Variants in CPSF3 observed in about 807,000 individuals in gnomAD.
CPSF3 encodes the protein cleavage and polyadenylation specific factor 3.
Under a neutral mutation model 84.1 loss-of-function variants are expected in CPSF3, and 57 were observed. The ratio of observed to expected loss-of-function variants is 0.68; its 90% confidence interval spans 0.55 to 0.85. The LOEUF (loss-of-function observed/expected upper bound fraction) is 0.85. Among genes scored for constraint, CPSF3 ranks in the 40% least tolerant of loss-of-function variants. CPSF3 has a pLI of 0.00. For synonymous variants in CPSF3, 275 were observed against 278.1 expected, an observed-to-expected ratio of 0.99 and a Z score of 0.11; for missense variants, 522 against 838.8, an observed-to-expected ratio of 0.62 and a Z score of 4.66.
chr2:9,432,529 C>T lies in CPSF3; in HGVS notation c.360C>T (p.Asp120=), dbSNP rs762458018. The T allele has an allele frequency of 2.6e-6, 4 of 1,522,676 alleles. No homozygotes were observed. The highest frequency in any genetic ancestry group is 2.6e-5 in the South Asian group (2 of 77,360). The allele number at this position is 1,522,676 out of a possible 1,614,324, so 94.3% of individuals were successfully genotyped here. The part of the protein sequence containing the change: ...YVKVSNISAD[D]MLYTETDLEE... The stretch of plus-strand genomic sequence containing the variant: ...AATTTAGTAACATATCAGCAGACGA[C>T]ATGCTGTATACCGAGACAGATTTGG... The change falls in exon 5 of 18, where the codon GAC becomes GAT. Residue 120 remains aspartate, a synonymous_variant. Transcript: ENST00000238112.
intron 6 of CPSF3, among the ~76,000 whole-genome samples, chr2:9,435,511 T>G (rs546990893): frequency 6.6e-6 from 1 of 151,446 alleles, no homozygotes; most frequent in South Asian, 2.1e-4. Flanking sequence ...AACCACTGCC[T>G]CCCAGGTTCA....
chr2:9,453,947 T>C (rs1681421545), intron 12 of CPSF3, among the ~76,000 whole-genome samples: 1 of 152,152 alleles, frequency 6.6e-6, no homozygotes, highest in African/African-American at 2.4e-5. Context: ...TGTAAATTGC[T>C]TTTTTCCCAT....
At chr2:9,442,126 G>A in intron 9 of CPSF3, 150 bp downstream of exon 9, 4 of 750,874 alleles carry the variant, frequency 5.3e-6, no homozygotes, top group Non-Finnish European at 8.8e-6. Flanking sequence ...CTAGAGATGT[G>A]CGTAGGATGT....
At chr2:9,457,307 T>A (rs891341710) in intron 14 of CPSF3, among the ~76,000 whole-genome samples, 1 of 152,106 alleles carries the variant, frequency 6.6e-6, no homozygotes, top group Non-Finnish European at 1.5e-5. Context: ...AATATAGTCC[T>A]TTCCTATAAG....
At chr2:9,444,159 T>TATATATATATA (rs1553344444) in intron 10 of CPSF3, among the ~76,000 whole-genome samples, 2 of 113,328 alleles carry the variant, frequency 1.8e-5, no homozygotes, top group Non-Finnish European at 3.6e-5. Flanking sequence ...TATATATATA[T>TATATATATATA]TTTTTTTTTT....
chr2:9,431,396 T>G (rs1188093758), intron 4 of CPSF3, among the ~76,000 whole-genome samples: 1 of 152,138 alleles, frequency 6.6e-6, no homozygotes, highest in Non-Finnish European at 1.5e-5. Flanking sequence ...AAAACTTCAT[T>G]AGGCTGGATT....
At chr2:9,425,023 G>A (rs1280690341) in intron 1 of CPSF3, 1 of 152,252 alleles carries the variant, frequency 6.6e-6, no homozygotes, top group Non-Finnish European at 1.5e-5. Context: ...TGAGCACTGT[G>A]AAAGTATGGA....
chr2:9,424,047 G>T (rs887866137), intron 1 of CPSF3: 18 of 1,281,014 alleles, frequency 1.4e-5, no homozygotes, highest in Admixed American at 3.9e-5. Flanking sequence ...TCAGTTTCAG[G>T]GGAGGGTATG....
intron 4 of CPSF3, 144 bp downstream of exon 4, chr2:9,431,024 C>CATTAACACA (rs1680567207): frequency 1.6e-6 from 1 of 643,384 alleles, no homozygotes; most frequent in East Asian, 2.8e-5. Flanking sequence ...TTAACAAGGT[C>CATTAACACA]ATTGAAACCT....
intron 12 of CPSF3, among the ~76,000 whole-genome samples, chr2:9,454,638 G>A (rs533033186): frequency 5.2e-4 from 77 of 147,618 alleles, no homozygotes; most frequent in African/African-American, 1.8e-3. Flanking sequence ...TCCACCTCCC[G>A]GGTTCATGCC....
At chr2:9,438,864 TATA>T (rs1482589172) in intron 7 of CPSF3, among the ~76,000 whole-genome samples, 3 of 152,224 alleles carry the variant, frequency 2.0e-5, no homozygotes, top group Non-Finnish European at 4.4e-5. Context: ...TGTAATGTAG[TATA>T]ATAGAAAGAA....
intron 1 of CPSF3, chr2:9,424,178 G>A: frequency 9.6e-7 from 1 of 1,037,688 alleles, no homozygotes; most frequent in Non-Finnish European, 1.2e-6. Flanking sequence ...GAGGGAGCCG[G>A]TGAAGCTTAT....
chr2:9,469,602 CCTT>C (rs1312519169), intron 16 of CPSF3, among the ~76,000 whole-genome samples: 1 of 152,158 alleles, frequency 6.6e-6, no homozygotes, highest in Non-Finnish European at 1.5e-5. Flanking sequence ...TTCACTCTGG[CCTT>C]CTTCCCTGTC....
intron 16 of CPSF3, among the ~76,000 whole-genome samples, chr2:9,470,627 A>T (rs1387454080): frequency 6.6e-6 from 1 of 152,350 alleles, no homozygotes; most frequent in Non-Finnish European, 1.5e-5. Flanking sequence ...AGTTTAATTA[A>T]AGTAGGAGTG....
At chr2:9,433,012 C>G (rs1235112647) in intron 5 of CPSF3, among the ~76,000 whole-genome samples, 4 of 152,194 alleles carry the variant, frequency 2.6e-5, no homozygotes, top group African/African-American at 9.7e-5. Flanking sequence ...GTCTTTGTGG[C>G]TGCATTCGTT....
chr2:9,433,173 G>A (rs886125015), intron 5 of CPSF3, among the ~76,000 whole-genome samples: 1 of 152,160 alleles, frequency 6.6e-6, no homozygotes, highest in African/African-American at 2.4e-5. Flanking sequence ...TGGGTGGGCC[G>A]CTGGCTTTCC....
At chr2:9,454,892 A>G (rs1029374187) in intron 12 of CPSF3, among the ~76,000 whole-genome samples, 1 of 152,030 alleles carries the variant, frequency 6.6e-6, no homozygotes, top group African/African-American at 2.4e-5. Context: ...AAATCTGTCT[A>G]ATGAGGGAAG....
chr2:9,429,342 A>C (rs910109206), intron 2 of CPSF3, among the ~76,000 whole-genome samples: 1 of 152,250 alleles, frequency 6.6e-6, no homozygotes, highest in South Asian at 2.1e-4. Flanking sequence ...TCTGTGTCTC[A>C]GATTCCTTTG....
chr2:9,424,060 G>A (rs1186137169), intron 1 of CPSF3: 1 of 1,239,694 alleles, frequency 8.1e-7, no homozygotes, highest in Non-Finnish European at 1.0e-6. Context: ...AGGGTATGTT[G>A]GAGTCGGAAA....
Sources: gnomAD v4.1 joint callset for allele counts (sites outside exome capture counted in the v4.1 genomes callset) on GRCh38, gnomAD v4.1.1 for gene constraint, MANE v1.5 for transcripts, NCBI Gene and HGNC (gene_info 2026-07-23, HGNC 2026-07-21) for gene names.